The following TP63 variants were observed in gnomAD, a reference collection of about 807,000 sequenced individuals.
The protein encoded by TP63 is tumor protein p63.
Under a neutral mutation model 82.8 loss-of-function variants are expected in TP63, and 17 were observed. The ratio of observed to expected loss-of-function variants is 0.21; its 90% CI spans 0.14 to 0.31. The LOEUF is 0.31. Among genes scored for constraint, TP63 ranks in the 10% least tolerant of loss-of-function variants. TP63 has a pLI of 1.00. For synonymous variants in TP63, 330 were observed against 321.7 expected (o/e 1.03, Z -0.28); for missense variants, 648 against 895.3 (o/e 0.72, Z 3.52).
At chr3:189,700,585 G>A (rs973999684) in intron 1 of TP63, among the ~76,000 whole-genome samples, 5 of 152,338 alleles carry the variant, frequency 3.3e-5, no homozygotes, top group African/African-American at 1.2e-4. Flanking sequence ...TGGCTAGAAT[G>A]TGGCATCACC....
chr3:189,838,298 C>A (rs1312791082), intron 4 of TP63, among the ~76,000 whole-genome samples: 1 of 152,060 alleles, frequency 6.6e-6, no homozygotes, highest in Non-Finnish European at 1.5e-5. Flanking sequence ...TGGGCAGCTT[C>A]TCATAATAGG....
chr3:189,866,922 T>C, intron 6 of TP63, 125 bp downstream of exon 6: 1 of 811,358 alleles, frequency 1.2e-6, no homozygotes, highest in South Asian at 1.5e-5. Context: ...TGTCATCAAA[T>C]ATATAATATT....
At chr3:189,806,676 G>T (rs1256863656) in intron 3 of TP63, among the ~76,000 whole-genome samples, 1 of 152,216 alleles carries the variant, frequency 6.6e-6, no homozygotes, top group African/African-American at 2.4e-5. Flanking sequence ...AGAAGGGAGA[G>T]AAAGCGAGAC....
the TP63 span, among the ~76,000 whole-genome samples, chr3:189,602,656 CTT>C: frequency 6.6e-6 from 1 of 152,164 alleles, no homozygotes; most frequent in Non-Finnish European, 1.5e-5. Context: ...TATTAATTCT[CTT>C]TGCACTCTGA....
intron 3 of TP63, 164 bp downstream of exon 3, chr3:189,738,938 T>C: frequency 2.8e-6 from 3 of 1,055,814 alleles, no homozygotes; most frequent in Non-Finnish European, 2.8e-6. Flanking sequence ...GTGTGGATTA[T>C]GCATTCTGGG....
At chr3:189,638,342 C>T (rs746126655) in intron 1 of TP63, among the ~76,000 whole-genome samples, 5 of 151,966 alleles carry the variant, frequency 3.3e-5, no homozygotes, top group African/African-American at 7.3e-5. Flanking sequence ...AAATACAATC[C>T]TAGACCTCAG....
chr3:189,803,795 T>A (rs1356921319), intron 3 of TP63, among the ~76,000 whole-genome samples: 2 of 152,248 alleles, frequency 1.3e-5, no homozygotes, highest in Non-Finnish European at 2.9e-5. Context: ...AAGCATCTGT[T>A]TGGAATCACA....
At chr3:189,879,595 A>G (rs1719680061) in intron 10 of TP63, among the ~76,000 whole-genome samples, 2 of 152,242 alleles carry the variant, frequency 1.3e-5, no homozygotes, top group Admixed American at 6.5e-5. Context: ...ATAATTGACC[A>G]GATGACATTT....
chr3:189,767,227 A>T (rs535739524), intron 3 of TP63, among the ~76,000 whole-genome samples: 3 of 152,186 alleles, frequency 2.0e-5, no homozygotes, highest in East Asian at 3.9e-4. Flanking sequence ...ATGTCAGTGG[A>T]TTCTTTTCCT....
Position 189,886,516 on chromosome 3 carries a change from C to T in TP63, c.1472C>T (p.Thr491Ile), listed in dbSNP as rs1180417806. The stretch of plus-strand genomic sequence containing the variant: ...AACCCTCAGCAGCGCAACGCCCTCA[C>T]TCCTACAACCATTCCTGATGGCATG... ...LINPQQRNALTPTTIPDGMGA... is the reference protein window; with the variant it reads ...LINPQQRNALIPTTIPDGMGA... The change falls in exon 11 of 14, where the codon ACT (threonine) becomes ATT (isoleucine). Residue 491 changes from threonine (T) to isoleucine (I), a missense_variant. This residue lies in a region of TP63 where 342 missense variants were observed against 425.7 expected (regional missense o/e 0.80). Coordinates refer to ENST00000264731, the MANE Select transcript of TP63 (RefSeq NM_003722.5). 6.2e-7 allele frequency: 1 copy of T among 1,614,124 alleles called. No homozygotes were observed. The highest frequency in any genetic ancestry group is 1.7e-5 in the Admixed American group (1 of 60,026).
At chr3:189,794,419 A>G (rs1725483003) in intron 3 of TP63, among the ~76,000 whole-genome samples, 2 of 152,004 alleles carry the variant, frequency 1.3e-5, no homozygotes, top group African/African-American at 4.8e-5. Flanking sequence ...AGATCAAGAA[A>G]GTCTATATGC....
intron 1 of TP63, among the ~76,000 whole-genome samples, chr3:189,703,517 A>G (rs1011663507): frequency 2.0e-5 from 3 of 152,168 alleles, no homozygotes; most frequent in Admixed American, 6.5e-5. Flanking sequence ...CTTCCTATTG[A>G]AAAAGAAAAG....
chr3:189,626,355 AT>A, the TP63 span, among the ~76,000 whole-genome samples: 1 of 152,162 alleles, frequency 6.6e-6, no homozygotes. Flanking sequence ...TAGTTGGTGA[AT>A]TTACTCCACC....
chr3:189,894,405 C>T lies in TP63; in HGVS notation c.1946C>T (p.Thr649Ile), dbSNP rs772458842. 6.2e-7 allele frequency: 1 copy of T among 1,614,062 alleles called. No homozygotes were observed. The highest frequency in any genetic ancestry group is 1.7e-5 in the Admixed American group (1 of 60,010). ...IDAVRFTLRQ[T>I]ISFPPRDEWN... ...GCTGTGCGATTCACCCTCCGCCAGA[C>T]CATCTCTTTCCCACCCCGAGATGAG... The change falls in exon 14 of 14, where the codon ACC becomes ATC. Residue 649 changes from threonine (T) to isoleucine (I), a missense_variant. By Grantham distance (89) the Thr-to-Ile change is moderately conservative. Coordinates refer to ENST00000264731, the MANE Select transcript of TP63 (RefSeq NM_003722.5).
chr3:189,678,779 C>T (rs1437101926), intron 1 of TP63, among the ~76,000 whole-genome samples: 1 of 151,958 alleles, frequency 6.6e-6, no homozygotes, highest in Non-Finnish European at 1.5e-5. Flanking sequence ...AAACACATTT[C>T]ATTTGTCAGT....
At chr3:189,725,616 C>A (rs1033859921) in intron 1 of TP63, among the ~76,000 whole-genome samples, 2 of 151,716 alleles carry the variant, frequency 1.3e-5, no homozygotes, top group Non-Finnish European at 2.9e-5. Flanking sequence ...GGGAACCACA[C>A]GAGGGAATTT....
At chr3:189,736,116 AT>A (rs1720573519) in intron 1 of TP63, among the ~76,000 whole-genome samples, 2 of 148,634 alleles carry the variant, frequency 1.3e-5, no homozygotes, top group South Asian at 2.1e-4. Context: ...ATTTATGAAT[AT>A]TTTAAATGAT....
chr3:189,741,691 C>A (rs1560149729), intron 3 of TP63, among the ~76,000 whole-genome samples: 1 of 152,094 alleles, frequency 6.6e-6, no homozygotes, highest in African/African-American at 2.4e-5. Flanking sequence ...GAAATTTAAC[C>A]CAGTTTTACT....
chr3:189,824,457 T>G (rs1729126667), intron 4 of TP63, among the ~76,000 whole-genome samples: 1 of 152,110 alleles, frequency 6.6e-6, no homozygotes, highest in African/African-American at 2.4e-5. Context: ...GGTCTTGAAC[T>G]CCTGACCTCA....
Sources: gnomAD v4.1 joint callset for allele counts (sites outside exome capture counted in the v4.1 genomes callset) on GRCh38, gnomAD v4.1.1 for gene constraint, gnomAD v4.1.1 regional missense constraint, MANE v1.5 for transcripts, NCBI Gene and HGNC (gene_info 2026-07-23, HGNC 2026-07-21) for gene names.